The following B3GNT5 variants were observed in gnomAD, a reference collection of about 807,000 sequenced individuals.
B3GNT5 encodes the protein UDP-GlcNAc:betaGal beta-1,3-N-acetylglucosaminyltransferase 5, also known as lactosylceramide 1,3-N-acetyl-beta-D-glucosaminyltransferase.
B3GNT5 carries 11 observed loss-of-function variants against 25.9 expected under a neutral mutation model. The observed-to-expected ratio is 0.42, with a 90% CI of 0.27 to 0.70. B3GNT5 has a LOEUF of 0.70. Ranked by LOEUF, B3GNT5 falls within the 30% of genes least tolerant of loss-of-function variation. B3GNT5 has a pLI of 0.23. For missense variants in B3GNT5, 385 were observed against 458.4 expected, an observed-to-expected ratio of 0.84 and a Z score of 1.46; for synonymous variants, 166 against 158.6, an observed-to-expected ratio of 1.05 and a Z score of -0.35.
chr3:183,264,559 C>G (rs890131929), intron 1 of B3GNT5, among the ~76,000 whole-genome samples: 1 of 152,208 alleles, frequency 6.6e-6, no homozygotes, highest in African/African-American at 2.4e-5. Flanking sequence ...AGAGTAAATA[C>G]TCATATACTT....
At chr3:183,255,762 G>A (rs1333405185) in intron 1 of B3GNT5, among the ~76,000 whole-genome samples, 1 of 150,612 alleles carries the variant, frequency 6.6e-6, no homozygotes, top group Non-Finnish European at 1.5e-5. Flanking sequence ...TTAAAATGGT[G>A]ATCAGTTTTC....
chr3:183,258,336 C>T (rs1021954923), intron 1 of B3GNT5: 2 of 152,920 alleles, frequency 1.3e-5, no homozygotes, highest in African/African-American at 4.8e-5. Flanking sequence ...TTCTCCCATC[C>T]AAGTACTAAC....
chr3:183,256,292 G>C lies in B3GNT5; in HGVS notation c.-302+2820G>C, dbSNP rs540742551. Among the ~76,000 whole-genome samples the C allele has an allele frequency of 5.9e-5, 9 of 152,266 alleles. No homozygotes were observed. In the South Asian group the frequency reaches 1.9e-3, roughly 32 times the overall value. On this transcript the variant is annotated intron_variant, in intron 1 of 1. Transcript: ENST00000326505. Reference sequence around the variant, plus strand: ...CTGCCCTTTGATATCGAATCTCTGTGAGCGAAGATGTAACCAGAACAGTGT... The same window carrying C: ...CTGCCCTTTGATATCGAATCTCTGTCAGCGAAGATGTAACCAGAACAGTGT...
chr3:183,256,682 TTTCCTATAAC>T (rs962227736), intron 1 of B3GNT5, among the ~76,000 whole-genome samples: 6 of 152,232 alleles, frequency 3.9e-5, no homozygotes, highest in Admixed American at 2.0e-4. Context: ...CTTTTGCTCC[TTTCCTATAAC>T]TTCCTATAAC....
chr3:183,273,126 G>A lies in B3GNT5; in HGVS notation c.*2191G>A. 1.2e-6 allele frequency: 1 copy of A among 821,274 alleles called. No homozygotes were observed. The highest frequency in any genetic ancestry group is 1.8e-6 in the Non-Finnish European group (1 of 545,548). The allele number at this position is 821,274 out of a possible 1,614,324, so 50.9% of individuals were successfully genotyped here. On this transcript the variant is annotated 3_prime_UTR_variant, in exon 2 of 2. Coordinates refer to ENST00000326505, the MANE Select transcript of B3GNT5 (RefSeq NM_032047.5). ...GGAAAAAACTTTTTGGTGCTCCAGT[G>A]TAGGGCTATCTTTTTAAAAAATGTC...
intron 1 of B3GNT5, among the ~76,000 whole-genome samples, chr3:183,255,310 C>G (rs1724943254): frequency 6.6e-6 from 1 of 152,230 alleles, no homozygotes; most frequent in Non-Finnish European, 1.5e-5. Flanking sequence ...TTATAACTTT[C>G]TCAAAATAAA....
chr3:183,258,842 C>T (rs1392291817), intron 1 of B3GNT5, among the ~76,000 whole-genome samples: 2 of 152,074 alleles, frequency 1.3e-5, no homozygotes, highest in African/African-American at 4.8e-5. Context: ...CTCCTGCCTC[C>T]GCCTCCCAAG....
chr3:183,253,604 C>G (rs13313978), intron 1 of B3GNT5, 132 bp downstream of exon 1: 19,600 of 152,318 alleles, frequency 0.13, 2,722 homozygotes, highest in African/African-American at 0.35. Flanking sequence ...CAGAGCTCCA[C>G]GCATAAGTGG....
Position 183,272,551 on chromosome 3 carries a change from G to A in B3GNT5, c.*1616G>A, listed in dbSNP as rs1483541910. The A allele has an allele frequency of 3.0e-6, 3 of 991,856 alleles. No individual in the cohort carries two copies. The highest frequency in any genetic ancestry group is 5.2e-4 in the Middle Eastern group (1 of 1,922). 61.4% of individuals were successfully genotyped at this position (991,856 alleles called of 1,614,324 possible). On this transcript the variant is annotated 3_prime_UTR_variant, in exon 2 of 2. Coordinates refer to ENST00000326505, the MANE Select transcript of B3GNT5 (RefSeq NM_032047.5). ...TTTTCTATTTTGAAATTTGAGGCTT[G>A]TTTACATTGCTTAGATAATTTAGAA...
chr3:183,262,060 G>A (rs1170420290), intron 1 of B3GNT5, among the ~76,000 whole-genome samples: 4 of 144,134 alleles, frequency 2.8e-5, no homozygotes, highest in Admixed American at 7.0e-5. Flanking sequence ...AATGAGGAAT[G>A]CATATATATT....
In B3GNT5 at chr3:183,270,004, CG is replaced by C. The variant is rs1560388484; in HGVS notation, c.210del (p.Pro71LeufsTer6). 1 of 1,614,090 alleles carries C rather than the reference CG, an allele frequency of 6.2e-7. No individual in the cohort carries two copies. Among genetic ancestry groups the C allele is most frequent in the Admixed American group, 1.7e-5 (1 of 60,020 alleles). ...ACCCTGTCTCTTAAGCACACCTCAG[CG>C]GGGCCTCGCTACCAATACTTGATTA... ...NDTLSLKHTS[A>X]GPRYQYLINH... is the part of the protein sequence containing the mutation. On this transcript the variant is annotated frameshift_variant, in exon 2 of 2. Coordinates refer to ENST00000326505, the MANE Select transcript of B3GNT5 (RefSeq NM_032047.5). LOFTEE classifies it high-confidence loss of function. This position sits in a 1 kb window ranked among gnomAD's most constrained non-coding sequence, Gnocchi z 4.5.
intron 1 of B3GNT5, among the ~76,000 whole-genome samples, chr3:183,262,620 C>A (rs1224182536): frequency 6.6e-6 from 1 of 151,596 alleles, no homozygotes; most frequent in African/African-American, 2.4e-5. Context: ...AACTAGGGAG[C>A]CCATGAGGAG....
Position 183,270,699 on chromosome 3 carries a change from G to T in B3GNT5, c.901G>T (p.Val301Leu), listed in dbSNP as rs1483994427. 6.2e-7 allele frequency: 1 copy of T among 1,613,902 alleles called. No individual in the cohort carries two copies. Among genetic ancestry groups the T allele is most frequent in the East Asian group, 2.2e-5 (1 of 44,886 alleles). ...AATAGGGATAGTACCGCAGGACCAT[G>T]TGTTTTTTTCTGGAGAGGGTAAAAC... ...NKIGIVPQDH[V>L]FFSGEGKTPY... Residue 301 changes from valine (V) to leucine (L), a missense_variant, in exon 2 of 2, where the codon GTG becomes TTG. Physicochemically the swap from Val to Leu is conservative, Grantham distance 32. Coordinates refer to ENST00000326505, the MANE Select transcript of B3GNT5 (RefSeq NM_032047.5). The surrounding 1 kb of genome is among the most constrained non-coding windows in gnomAD (Gnocchi z 4.5).
chr3:183,258,011 A>T (rs1413486686), intron 1 of B3GNT5, among the ~76,000 whole-genome samples: 1 of 110,256 alleles, frequency 9.1e-6, no homozygotes, highest in East Asian at 3.2e-4. Flanking sequence ...TCTGTTGCCC[A>T]GGCTGGAGTG....
chr3:183,257,958 C>CTTTTTTTTTTTTTTTTT lies in B3GNT5; in HGVS notation c.-302+4497_-302+4513dup, dbSNP rs35323502. ...TATTCCTTGCTCCCTCCACTTCACCCTTTTTTTTTTTTTTTTTTTTTTTTT... is the reference window on the plus strand; with the variant it reads ...TATTCCTTGCTCCCTCCACTTCACCCTTTTTTTTTTTTTTTTTTTTTTTTTTTTTTTTTTTTTTTTTT... On this transcript the variant is annotated intron_variant, in intron 1 of 1. Coordinates refer to ENST00000326505, the MANE Select transcript of B3GNT5 (RefSeq NM_032047.5). Among the ~76,000 whole-genome samples, 11 of 64,744 alleles carry CTTTTTTTTTTTTTTTTT rather than the reference C, an allele frequency of 1.7e-4. 1 individual carries two copies. The highest frequency in any genetic ancestry group is 4.9e-4 in the African/African-American group (7 of 14,400). 42.5% of individuals were successfully genotyped at this position (64,744 alleles called of 152,430 possible). A position where few individuals can be genotyped will look rare whatever the true frequency, so the allele number is the denominator to read the frequency against.
Position 183,267,431 on chromosome 3 carries a change from G to A in B3GNT5, c.-301-2067G>A, listed in dbSNP as rs372547040. Among the ~76,000 whole-genome samples the A allele has an allele frequency of 6.6e-6, 1 of 152,242 alleles. No homozygotes were observed. The highest frequency in any genetic ancestry group is 2.4e-5 in the African/African-American group (1 of 41,462). On this transcript the variant is annotated intron_variant, in intron 1 of 1. Coordinates refer to ENST00000326505, the MANE Select transcript of B3GNT5 (RefSeq NM_032047.5). The surrounding 1 kb of genome is among the most constrained non-coding windows in gnomAD (Gnocchi z 5.5). ...GGGGGTGGGAAATATAGCTGGATCCGAAAGCTCTGAAGTGGGGATGGAGGT... is the reference window on the plus strand; with the variant it reads ...GGGGGTGGGAAATATAGCTGGATCCAAAAGCTCTGAAGTGGGGATGGAGGT...
chr3:183,261,565 T>C (rs1268746259), intron 1 of B3GNT5, among the ~76,000 whole-genome samples: 2 of 152,198 alleles, frequency 1.3e-5, no homozygotes, highest in Admixed American at 1.3e-4. Flanking sequence ...TTTCTAAGCA[T>C]ATCACTTTTA....
chr3:183,265,848 C>G (rs1726065600), intron 1 of B3GNT5: 1 of 152,090 alleles, frequency 6.6e-6, no homozygotes, highest in Non-Finnish European at 1.5e-5. Flanking sequence ...TAAATGGTGG[C>G]TAAAAAATTC....
At chr3:183,257,015 A>C (rs1725101723) in intron 1 of B3GNT5, among the ~76,000 whole-genome samples, 1 of 152,218 alleles carries the variant, frequency 6.6e-6, no homozygotes, top group Non-Finnish European at 1.5e-5. Context: ...TTTTGAGAAG[A>C]AGCATATTAT....
Sources: allele counts gnomAD v4.1 joint callset (sites outside exome capture counted in the v4.1 genomes callset), GRCh38; gene constraint gnomAD v4.1.1; non-coding constraint Gnocchi (gnomAD v3.1); transcripts MANE v1.5; gene names NCBI Gene and HGNC (gene_info 2026-07-23, HGNC 2026-07-21).